Variants in PPP3R1 observed in about 807,000 individuals in gnomAD.
PPP3R1 encodes the protein protein phosphatase 3 regulatory subunit B, alpha.
PPP3R1 carries 5 observed loss-of-function variants against 22.6 expected under a neutral mutation model. The ratio of observed to expected loss-of-function variants is 0.22; its 90% CI spans 0.12 to 0.46. The LOEUF is 0.46. Among genes scored for constraint, PPP3R1 ranks in the 20% least tolerant of loss-of-function variants. The pLI is 0.99. For synonymous variants in PPP3R1, 56 were observed against 65.2 expected (o/e 0.86, Z 0.68); for missense variants, 61 against 203.2 (o/e 0.30, Z 4.25).
chr2:68,187,576 A>AGGGC (rs1181823936), intron 3 of PPP3R1, among the ~76,000 whole-genome samples: 1 of 152,174 alleles, frequency 6.6e-6, no homozygotes, highest in Non-Finnish European at 1.5e-5. Flanking sequence ...AACACTCAAA[A>AGGGC]CATATTATTT....
chr2:68,196,331 A>C (rs1307916660), intron 2 of PPP3R1, among the ~76,000 whole-genome samples: 1 of 152,200 alleles, frequency 6.6e-6, no homozygotes. Context: ...GGGGCGCAGC[A>C]GATAAAACCT....
Position 68,180,912 on chromosome 2 carries a change from T to C in PPP3R1, c.*51A>G. The C allele has an allele frequency of 1.3e-6, 2 of 1,535,566 alleles. No homozygotes were observed. Among genetic ancestry groups the C allele is most frequent in the South Asian group, 1.1e-5 (1 of 88,810 alleles). On this transcript the variant is annotated 3_prime_UTR_variant, in exon 6 of 6. Coordinates refer to ENST00000234310, the MANE Select transcript of PPP3R1 (RefSeq NM_000945.4). Reference sequence around the variant, plus strand: ...ATTGCTGGACGTCTTGAGCAGATCTTCAGAGATGGAGAAGAAAGCAAAAGT... The same window carrying C: ...ATTGCTGGACGTCTTGAGCAGATCTCCAGAGATGGAGAAGAAAGCAAAAGT...
chr2:68,227,942 C>G (rs1669819014), intron 1 of PPP3R1, among the ~76,000 whole-genome samples: 1 of 152,272 alleles, frequency 6.6e-6, no homozygotes, highest in Admixed American at 6.5e-5. Flanking sequence ...TCTTTCCAAT[C>G]TGTATGCCTT....
chr2:68,199,262 C>G (rs569020408), intron 2 of PPP3R1, among the ~76,000 whole-genome samples: 1 of 152,200 alleles, frequency 6.6e-6, no homozygotes, highest in African/African-American at 2.4e-5. Flanking sequence ...GCTCCCAGAC[C>G]CATTTCATTT....
chr2:68,194,088 T>C (rs1368065492), intron 2 of PPP3R1, among the ~76,000 whole-genome samples: 2 of 152,090 alleles, frequency 1.3e-5, no homozygotes, highest in African/African-American at 2.4e-5. Context: ...GCCTTAACAG[T>C]TGAAAATGCC....
At chr2:68,229,936 ATGTGTGTATATATGTG>A (rs1669855776) in intron 1 of PPP3R1, among the ~76,000 whole-genome samples, 3 of 143,852 alleles carry the variant, frequency 2.1e-5, no homozygotes, top group South Asian at 2.2e-4. Context: ...ATGTGTGTGT[ATGTGTGTATATATGTG>A]TGTGTGTATA....
chr2:68,229,085 A>G (rs184634225), intron 1 of PPP3R1, among the ~76,000 whole-genome samples: 67 of 152,158 alleles, frequency 4.4e-4, no homozygotes, highest in African/African-American at 1.6e-3. Context: ...GTGGCATGAC[A>G]TGGCTCACTG....
chr2:68,193,407 G>A (rs765081724), intron 2 of PPP3R1, among the ~76,000 whole-genome samples: 4 of 151,974 alleles, frequency 2.6e-5, no homozygotes, highest in Admixed American at 6.6e-5. Context: ...CTACGATTAC[G>A]ATGATGAGTA....
intron 1 of PPP3R1, among the ~76,000 whole-genome samples, chr2:68,250,287 A>G (rs145443157): frequency 6.6e-6 from 1 of 152,338 alleles, no homozygotes; most frequent in East Asian, 1.9e-4. Flanking sequence ...AAGAAAACAG[A>G]GTTAACAGGA....
chr2:68,246,368 C>T (rs551701267), intron 1 of PPP3R1, among the ~76,000 whole-genome samples: 4 of 151,982 alleles, frequency 2.6e-5, no homozygotes, highest in South Asian at 2.1e-4. Context: ...CCACCGTGCC[C>T]GGCTCTGACT....
rs1491128472 is a variant in PPP3R1 at position 68,190,254 on chromosome 2, T to TAAAA, written c.44-1565_44-1564insTTTT. 2.3e-4 allele frequency among the ~76,000 whole-genome samples: 20 copies of TAAAA among 85,502 alleles called. 2 individuals are homozygous for TAAAA. Among genetic ancestry groups the TAAAA allele is most frequent in the African/African-American group, 7.5e-4 (17 of 22,792 alleles). The allele number at this position is 85,502 out of a possible 152,430, so 56.1% of individuals were successfully genotyped here. On this transcript the variant is annotated intron_variant, in intron 2 of 5. Transcript: ENST00000234310. The stretch of plus-strand genomic sequence containing the variant: ...AGTAAAGGATCAGGGCAAGTTTCTC[T>TAAAA]TAAAAAAAAAAAAAAAAAAAAAAAA...
At chr2:68,246,495 C>T (rs1012368063) in intron 1 of PPP3R1, among the ~76,000 whole-genome samples, 4 of 152,174 alleles carry the variant, frequency 2.6e-5, no homozygotes, top group Non-Finnish European at 5.9e-5. Context: ...TACCTCCTGG[C>T]TTCCCTTGCC....
intron 1 of PPP3R1, among the ~76,000 whole-genome samples, chr2:68,230,793 T>A (rs1280370404): frequency 6.6e-6 from 1 of 152,234 alleles, no homozygotes; most frequent in African/African-American, 2.4e-5. Context: ...GTTTCTGAGT[T>A]GACAGTCCTT....
intron 1 of PPP3R1, among the ~76,000 whole-genome samples, chr2:68,242,377 G>C (rs1473289345): frequency 6.6e-6 from 1 of 151,320 alleles, no homozygotes; most frequent in Non-Finnish European, 1.5e-5. Flanking sequence ...GGTGAGCCAA[G>C]ATTGCGCCAC....
At chr2:68,184,753 A>C (rs925736039) in intron 5 of PPP3R1, among the ~76,000 whole-genome samples, 1 of 152,238 alleles carries the variant, frequency 6.6e-6, no homozygotes, top group African/African-American at 2.4e-5. Flanking sequence ...CTCCACTCGT[A>C]AACTATGCCC....
intron 2 of PPP3R1, among the ~76,000 whole-genome samples, chr2:68,214,920 A>G (rs1669548300): frequency 6.6e-6 from 1 of 152,242 alleles, no homozygotes; most frequent in Non-Finnish European, 1.5e-5. Context: ...GATAAAGAAA[A>G]TGAGGTACAT....
At chr2:68,183,881 T>C (rs1674474720) in intron 5 of PPP3R1, among the ~76,000 whole-genome samples, 1 of 152,188 alleles carries the variant, frequency 6.6e-6, no homozygotes, top group African/African-American at 2.4e-5. Context: ...GTGAGAGCTA[T>C]ACTTTGAATG....
chr2:68,239,607 G>A (rs1324786647), intron 1 of PPP3R1, among the ~76,000 whole-genome samples: 1 of 152,064 alleles, frequency 6.6e-6, no homozygotes, highest in Non-Finnish European at 1.5e-5. Context: ...CTGGAGAAGA[G>A]AACGATGTGG....
intron 2 of PPP3R1, 23 bp from the exon 3 acceptor site, chr2:68,188,713 G>A (rs757840602): frequency 3.2e-6 from 5 of 1,540,814 alleles, no homozygotes; most frequent in South Asian, 1.2e-5. Context: ...AAAAAAGGAA[G>A]CAAGAATTTT....
Sources: gnomAD v4.1 joint callset for allele counts (sites outside exome capture counted in the v4.1 genomes callset) on GRCh38, gnomAD v4.1.1 for gene constraint, MANE v1.5 for transcripts, NCBI Gene and HGNC (gene_info 2026-07-23, HGNC 2026-07-21) for gene names.